YWHAH: variants seen among roughly 807,000 people sequenced by gnomAD.
YWHAH encodes the protein 14-3-3 protein eta.
YWHAH carries 6 observed loss-of-function variants against 22.9 expected under a neutral mutation model. That is an observed-to-expected ratio of 0.26 (90% confidence interval 0.14 to 0.52). YWHAH has a LOEUF of 0.52. Among genes scored for constraint, YWHAH ranks in the 20% least tolerant of loss-of-function variants. The pLI, the probability that YWHAH is intolerant of heterozygous loss-of-function variation, is 0.97. For synonymous variants in YWHAH, 135 were observed against 124.5 expected (o/e 1.08, Z -0.56); for missense variants, 173 against 308.6 (o/e 0.56, Z 3.29).
At chr22:31,955,994 T>C in intron 1 of YWHAH, 145 bp from the exon 2 acceptor site, 4 of 862,422 alleles carry the variant, frequency 4.6e-6, no homozygotes, top group Non-Finnish European at 7.0e-6. Context: ...ATTGGTTTTA[T>C]CCATGGGTGG....
intron 1 of YWHAH, among the ~76,000 whole-genome samples, chr22:31,952,595 A>G (rs2093844787): frequency 6.6e-6 from 1 of 152,250 alleles, no homozygotes; most frequent in Non-Finnish European, 1.5e-5. Context: ...CTGGGGTATT[A>G]GGAACAATAT....
chr22:31,954,615 C>T (rs1030307226), intron 1 of YWHAH, among the ~76,000 whole-genome samples: 11 of 152,264 alleles, frequency 7.2e-5, no homozygotes, highest in African/African-American at 2.2e-4. Context: ...GCCACGCTCC[C>T]TCTGAAGGCT....
chr22:31,950,506 C>T, intron 1 of YWHAH: 2 of 677,780 alleles, frequency 3.0e-6, no homozygotes, highest in Admixed American at 4.2e-5. Flanking sequence ...CAGTAGCATG[C>T]AGTAATGCCA....
intron 1 of YWHAH, chr22:31,947,482 G>C: frequency 2.1e-6 from 1 of 471,580 alleles, no homozygotes. Context: ...GGAGGACAGT[G>C]TTGGTAAGCT....
At position 31,956,043 on chromosome 22, in the gene YWHAH, G is replaced by A. The variant is rs917577054; in HGVS notation, c.88-96G>A. 5.6e-6 allele frequency: 8 copies of A among 1,429,280 alleles called. No individual in the cohort carries two copies. Among genetic ancestry groups the A allele is most frequent in the Admixed American group, 2.3e-5 (1 of 43,454 alleles). The allele number at this position is 1,429,280 out of a possible 1,614,324, so 88.5% of individuals were successfully genotyped here. On this transcript the variant is annotated intron_variant, in intron 1 of 1. Transcript: ENST00000248975. This position sits in a 1 kb window ranked among gnomAD's most constrained non-coding sequence, Gnocchi z 5.1. ...GAGTGACTGACCTGTTCGTAATTCC[G>A]TTCTTGAGAAGGATTGTTGATTATG...
Position 31,957,248 on chromosome 22 carries a change from A to C in YWHAH, c.*456A>C, listed in dbSNP as rs1198820721. Reference sequence around the variant, plus strand: ...CAATTAATGGAAAACTGTTAAGGGAAGCTGATACAGAGAGACAACTTGCTC... The same window carrying C: ...CAATTAATGGAAAACTGTTAAGGGACGCTGATACAGAGAGACAACTTGCTC... On this transcript the variant is annotated 3_prime_UTR_variant, in exon 2 of 2. Transcript: ENST00000248975. 6.3e-6 allele frequency: 1 copy of C among 158,732 alleles called. No individual in the cohort carries two copies. Among genetic ancestry groups the C allele is most frequent in the Non-Finnish European group, 1.4e-5 (1 of 71,538 alleles). The allele number at this position is 158,732 out of a possible 1,614,324, so 9.8% of individuals were successfully genotyped here.
intron 1 of YWHAH, among the ~76,000 whole-genome samples, chr22:31,949,637 A>G (rs770544784): frequency 5.9e-5 from 9 of 152,118 alleles, no homozygotes; most frequent in Non-Finnish European, 1.0e-4. Flanking sequence ...AGCTGGGACT[A>G]CAGGTGCCCG....
chr22:31,955,648 G>T (rs1418650388), intron 1 of YWHAH, among the ~76,000 whole-genome samples: 1 of 151,960 alleles, frequency 6.6e-6, no homozygotes, highest in Non-Finnish European at 1.5e-5. Context: ...TCACCATGTT[G>T]GCCAGAATGG....
chr22:31,947,938 G>A (rs1169012209), intron 1 of YWHAH, among the ~76,000 whole-genome samples: 1 of 152,196 alleles, frequency 6.6e-6, no homozygotes, highest in East Asian at 1.9e-4. Context: ...GATGGTAACT[G>A]TAAAGTTATC....
chr22:31,945,437 C>G (rs1043998320), intron 1 of YWHAH: 1 of 1,303,876 alleles, frequency 7.7e-7, no homozygotes, highest in South Asian at 1.2e-5. Flanking sequence ...GGGCCCCACT[C>G]CACAGCCCCA....
intron 1 of YWHAH, among the ~76,000 whole-genome samples, chr22:31,948,888 C>T (rs914517247): frequency 6.6e-6 from 1 of 152,172 alleles, no homozygotes; most frequent in Non-Finnish European, 1.5e-5. Context: ...AAACTGTAGT[C>T]CCCATGTGGG....
chr22:31,953,580 T>C (rs1422149793), intron 1 of YWHAH, among the ~76,000 whole-genome samples: 1 of 152,198 alleles, frequency 6.6e-6, no homozygotes, highest in African/African-American at 2.4e-5. Context: ...TGTAAGTGTT[T>C]AAAGGCACTT....
At chr22:31,954,649 A>C (rs914291119) in intron 1 of YWHAH, among the ~76,000 whole-genome samples, 1 of 151,818 alleles carries the variant, frequency 6.6e-6, no homozygotes, top group African/African-American at 2.4e-5. Flanking sequence ...CTTCCTAGGC[A>C]CTCTCCCAGC....
intron 1 of YWHAH, chr22:31,945,138 C>T (rs2093831913): frequency 2.8e-6 from 3 of 1,085,080 alleles, no homozygotes; most frequent in Non-Finnish European, 3.4e-6. Context: ...CCCTAGGGGA[C>T]GCGAAGGAGC....
Position 31,956,624 on chromosome 22 carries a change from G to A in YWHAH, c.573G>A (p.Glu191=), listed in dbSNP as rs749382258. 1 of 1,613,944 alleles carries A rather than the reference G, an allele frequency of 6.2e-7. No individual in the cohort carries two copies. The highest frequency in any genetic ancestry group is 1.3e-5 in the African/African-American group (1 of 74,918). ...ACTATGAGATCCAGAATGCACCTGAGCAAGCCTGCCTCTTAGCCAAACAAG... is the reference window on the plus strand; with the variant it reads ...ACTATGAGATCCAGAATGCACCTGAACAAGCCTGCCTCTTAGCCAAACAAG... The part of the protein sequence containing the change: ...VFYYEIQNAP[E]QACLLAKQAF... Residue 191 remains glutamate (E), a synonymous_variant, in exon 2 of 2, where the codon GAG becomes GAA. Transcript: ENST00000248975. This position sits in a 1 kb window ranked among gnomAD's most constrained non-coding sequence, Gnocchi z 5.1.
At chr22:31,945,123 G>C in intron 1 of YWHAH, 2 of 1,074,808 alleles carry the variant, frequency 1.9e-6, no homozygotes, top group Non-Finnish European at 2.3e-6. Flanking sequence ...CGGGGGCAGA[G>C]GGTGCCCTAG....
chr22:31,949,136 CTTTTTTTTTTTT>C (rs760273556), intron 1 of YWHAH, among the ~76,000 whole-genome samples: 1 of 99,082 alleles, frequency 1.0e-5, no homozygotes, highest in Non-Finnish European at 1.9e-5. Context: ...ACATATTTTA[CTTTTTTTTTTTT>C]TTTTTTTTTT....
intron 1 of YWHAH, among the ~76,000 whole-genome samples, chr22:31,950,136 G>T (rs923708272): frequency 1.0e-5 from 1 of 98,910 alleles, no homozygotes; most frequent in Admixed American, 1.5e-4. Flanking sequence ...TATTGAATTT[G>T]AGTTTCTCCT....
intron 1 of YWHAH, chr22:31,945,576 G>C: frequency 1.5e-6 from 2 of 1,303,836 alleles, no homozygotes; most frequent in East Asian, 5.5e-5. Flanking sequence ...TGGATGAGTC[G>C]TGCCCAGCCA....
Sources: allele counts gnomAD v4.1 joint callset (sites outside exome capture counted in the v4.1 genomes callset), GRCh38; gene constraint gnomAD v4.1.1; non-coding constraint Gnocchi (gnomAD v3.1); transcripts MANE v1.5; gene names NCBI Gene and HGNC (gene_info 2026-07-23, HGNC 2026-07-21).